ANTXR1: variants seen among roughly 807,000 people sequenced by gnomAD.
The protein encoded by ANTXR1 is anthrax toxin receptor 1.
ANTXR1 carries 19 observed loss-of-function variants against 78.1 expected under a neutral mutation model. The observed-to-expected ratio is 0.24, with a 90% confidence interval of 0.17 to 0.36. ANTXR1 has a LOEUF of 0.36. Among genes scored for constraint, ANTXR1 ranks in the 10% least tolerant of loss-of-function variants. The pLI is 1.00. For synonymous variants in ANTXR1, 273 were observed against 260.5 expected, an observed-to-expected ratio of 1.05 and a Z score of -0.46; for missense variants, 518 against 718.6, an observed-to-expected ratio of 0.72 and a Z score of 3.19.
intron 10 of ANTXR1, among the ~76,000 whole-genome samples, chr2:69,120,137 A>G (rs1007406571): frequency 1.3e-5 from 2 of 152,198 alleles, no homozygotes; most frequent in Non-Finnish European, 2.9e-5. Context: ...ACATTACCCT[A>G]TGGTTGGGCA....
chr2:69,099,641 G>T (rs893990587), intron 9 of ANTXR1, among the ~76,000 whole-genome samples: 1 of 152,222 alleles, frequency 6.6e-6, no homozygotes, highest in Non-Finnish European at 1.5e-5. Context: ...TAGTGAGTAT[G>T]AAGTGATATC....
At chr2:69,051,006 C>G (rs1172507281) in intron 3 of ANTXR1, among the ~76,000 whole-genome samples, 1 of 152,060 alleles carries the variant, frequency 6.6e-6, no homozygotes, top group African/African-American at 2.4e-5. Context: ...AAGATAATTG[C>G]CCGGTGTGGT....
At chr2:69,143,738 C>A (rs916091145) in intron 12 of ANTXR1, among the ~76,000 whole-genome samples, 2 of 151,872 alleles carry the variant, frequency 1.3e-5, no homozygotes, top group Non-Finnish European at 2.9e-5. Context: ...GTGTATATAT[C>A]TCCACAATTT....
Position 69,070,711 on chromosome 2 carries a change from C to T in ANTXR1, c.361C>T (p.His121Tyr). ...KVLPGGDTYM[H>Y]EGFERASEQI... ...TCTGCCAGGAGGAGACACTTACATG[C>T]ATGAAGGATTTGAAAGGGTAATTTT... Residue 121 changes from histidine to tyrosine, a missense_variant, in exon 4 of 18, where the codon CAT becomes TAT. Physicochemically the swap from His to Tyr is moderately conservative, Grantham distance 83 (BLOSUM62 2). Transcript: ENST00000303714. 1 of 1,614,012 alleles carries T rather than the reference C, an allele frequency of 6.2e-7. No homozygotes were observed.
chr2:69,179,927 CT>C (rs1327762220), intron 14 of ANTXR1, among the ~76,000 whole-genome samples: 1 of 152,180 alleles, frequency 6.6e-6, no homozygotes, highest in East Asian at 1.9e-4. Flanking sequence ...CTACTTTGCA[CT>C]TAGAATACAA....
intron 12 of ANTXR1, among the ~76,000 whole-genome samples, chr2:69,127,757 TAG>T (rs1672588142): frequency 6.6e-6 from 1 of 151,976 alleles, no homozygotes; most frequent in South Asian, 2.1e-4. Context: ...ATATAGGGTT[TAG>T]AGAGAGAGAA....
At chr2:69,107,515 C>T (rs1429167550) in intron 10 of ANTXR1, among the ~76,000 whole-genome samples, 2 of 152,124 alleles carry the variant, frequency 1.3e-5, no homozygotes, top group African/African-American at 2.4e-5. Flanking sequence ...GCTGGAATTA[C>T]AGGTGTGGGC....
At chr2:69,136,160 G>C (rs1321527758) in intron 12 of ANTXR1, among the ~76,000 whole-genome samples, 1 of 152,132 alleles carries the variant, frequency 6.6e-6, no homozygotes, top group Non-Finnish European at 1.5e-5. Context: ...AATATTCTCT[G>C]TCAGTCTGTA....
intron 12 of ANTXR1, among the ~76,000 whole-genome samples, chr2:69,146,582 T>A (rs1236352310): frequency 1.3e-5 from 2 of 152,240 alleles, no homozygotes; most frequent in Non-Finnish European, 1.5e-5. Flanking sequence ...TCTGCTGGGC[T>A]GGACAGGTCA....
At chr2:69,217,757 G>A (rs763321748) in intron 17 of ANTXR1, among the ~76,000 whole-genome samples, 44 of 152,030 alleles carry the variant, frequency 2.9e-4, no homozygotes, top group Admixed American at 6.6e-4. Flanking sequence ...CTGTGTGTGA[G>A]GGGACTATTC....
At chr2:69,224,840 A>G (rs1471448027) in intron 17 of ANTXR1, among the ~76,000 whole-genome samples, 1 of 152,208 alleles carries the variant, frequency 6.6e-6, no homozygotes, top group Non-Finnish European at 1.5e-5. Context: ...CGCTTAGTCC[A>G]TATTATACCA....
intron 1 of ANTXR1, among the ~76,000 whole-genome samples, chr2:69,023,497 G>T (rs1319123311): frequency 1.7e-5 from 2 of 120,430 alleles, no homozygotes; most frequent in Middle Eastern, 8.0e-3. Flanking sequence ...TGGTGATATG[G>T]TGGTGGTGGT....
intron 14 of ANTXR1, chr2:69,172,434 C>T: frequency 1.3e-6 from 2 of 1,598,138 alleles, no homozygotes; most frequent in Non-Finnish European, 1.7e-6. Context: ...CCTAACACAG[C>T]CCGTGCAACG....
chr2:69,029,574 A>G (rs1671463606), intron 1 of ANTXR1, among the ~76,000 whole-genome samples: 1 of 151,668 alleles, frequency 6.6e-6, no homozygotes, highest in African/African-American at 2.4e-5. Context: ...AAAAAAAAAT[A>G]GGCTCAACAA....
intron 13 of ANTXR1, among the ~76,000 whole-genome samples, chr2:69,163,165 A>G (rs1673729064): frequency 6.6e-6 from 1 of 152,160 alleles, no homozygotes; most frequent in Non-Finnish European, 1.5e-5. Flanking sequence ...TTTGAGCTAC[A>G]GAAACAAGAC....
rs1276982786 is a variant in ANTXR1 at position 69,248,028 on chromosome 2, G to A, written c.*2543G>A. Reference sequence around the variant, plus strand: ...AGTTAAGAAGGAGAAACTTCTATAAGACTGTATGAACAAGGTGATATCTTC... The same window carrying A: ...AGTTAAGAAGGAGAAACTTCTATAAAACTGTATGAACAAGGTGATATCTTC... On this transcript the variant is annotated 3_prime_UTR_variant, in exon 18 of 18. Coordinates refer to ENST00000303714, the MANE Select transcript of ANTXR1 (RefSeq NM_032208.3). 1 of 164,194 alleles carries A rather than the reference G, an allele frequency of 6.1e-6. No individual in the cohort carries two copies. The highest frequency in any genetic ancestry group is 1.5e-5 in the Non-Finnish European group (1 of 68,114). 10.2% of individuals were successfully genotyped at this position (164,194 alleles called of 1,614,324 possible).
At chr2:69,031,276 C>T (rs1001822245) in intron 1 of ANTXR1, among the ~76,000 whole-genome samples, 1 of 152,156 alleles carries the variant, frequency 6.6e-6, no homozygotes, top group Non-Finnish European at 1.5e-5. Flanking sequence ...GGGCCTGGCC[C>T]TTGGTTTAAG....
At chr2:69,209,787 A>G (rs1674994852) in intron 17 of ANTXR1, among the ~76,000 whole-genome samples, 1 of 152,236 alleles carries the variant, frequency 6.6e-6, no homozygotes, top group Non-Finnish European at 1.5e-5. Flanking sequence ...AAGGTCAGAG[A>G]CAGCAGGGGA....
intron 14 of ANTXR1, chr2:69,172,397 A>G: frequency 1.2e-6 from 2 of 1,610,910 alleles, no homozygotes; most frequent in South Asian, 2.2e-5. Flanking sequence ...AGAAGAAGAA[A>G]GAAAGAAATC....
Sources: gnomAD v4.1 joint callset for allele counts (sites outside exome capture counted in the v4.1 genomes callset) on GRCh38, gnomAD v4.1.1 for gene constraint, MANE v1.5 for transcripts, NCBI Gene and HGNC (gene_info 2026-07-23, HGNC 2026-07-21) for gene names.